ERG28: variants seen among roughly 807,000 people sequenced by gnomAD.
ERG28 encodes ergosterol biosynthesis 28 homolog, also known as ergosterol biosynthetic protein 28 homolog.
In ERG28, 9 loss-of-function variants were observed where a neutral mutation model predicts 15.7. The ratio of observed to expected loss-of-function variants is 0.57; its 90% CI spans 0.35 to 1.00. The LOEUF (loss-of-function observed/expected upper bound fraction) is 1.00, where lower values mean the gene tolerates loss of function less well. Ranked by LOEUF, ERG28 falls within the 50% of genes least tolerant of loss-of-function variation. The probability of loss-of-function intolerance (pLI) is 0.02; values close to 1 mark genes in which losing one functional copy is unlikely to be tolerated. For missense variants in ERG28, 117 were observed against 173.3 expected (o/e 0.68, Z 1.82); for synonymous variants, 61 against 68.4 (o/e 0.89, Z 0.53).
rs1326719057 is a variant in ERG28 at position 75,654,581 on chromosome 14, ACTT to A, written c.224+302_224+304del. 4.6e-5 allele frequency among the ~76,000 whole-genome samples: 7 copies of A among 152,252 alleles called. No individual in the cohort carries two copies. In the East Asian group the frequency reaches 1.2e-3, roughly 25 times the overall value. ...TACTCTAAAAAGAGCATACCACTCTACTTCTTTAGTAGAAGAAGGGCTGATTCT... is the reference window on the plus strand; with the variant it reads ...TACTCTAAAAAGAGCATACCACTCTACTTTAGTAGAAGAAGGGCTGATTCT... On this transcript the variant is annotated intron_variant, in intron 3 of 4. Coordinates refer to ENST00000256319, the MANE Select transcript of ERG28 (RefSeq NM_007176.4).
In ERG28 at chr14:75,650,145, T is replaced by A. The variant is rs1218608906; in HGVS notation, c.*1410A>T. On this transcript the variant is annotated 3_prime_UTR_variant, in exon 5 of 5. Transcript: ENST00000256319. Reference sequence around the variant, plus strand: ...GCCTGGGTGACAGAGTGAAACCCTGTCTCTAAAAAACAAAAAAATCCCATC... The same window carrying A: ...GCCTGGGTGACAGAGTGAAACCCTGACTCTAAAAAACAAAAAAATCCCATC... 3 of 152,202 alleles carry A rather than the reference T, an allele frequency of 2.0e-5. No individual in the cohort carries two copies. Among genetic ancestry groups the A allele is most frequent in the Non-Finnish European group, 4.4e-5 (3 of 68,072 alleles). The allele number at this position is 152,202 out of a possible 1,614,324, so 9.4% of individuals were successfully genotyped here. A position where few individuals can be genotyped will look rare whatever the true frequency, so the allele number is the denominator to read the frequency against.
rs777170029 is a variant in ERG28 at position 75,651,931 on chromosome 14, T to C, written c.225-42A>G. On this transcript the variant is annotated intron_variant, in intron 3 of 4. Coordinates refer to ENST00000256319, the MANE Select transcript of ERG28 (RefSeq NM_007176.4). ...AGAAATGGGAACCAAAGTTACTGTT[T>C]GTTCAGAACAGAGGAAAAGTATCAG... 3.0e-5 allele frequency: 45 copies of C among 1,513,190 alleles called. No homozygotes were observed. The South Asian group carries it at 4.4e-4, about 15-fold the overall frequency. The allele number at this position is 1,513,190 out of a possible 1,614,324, so 93.7% of individuals were successfully genotyped here.
rs199655399 is a variant in ERG28 at position 75,657,475 on chromosome 14, T to G, written c.28A>C (p.Ser10Arg). The G allele has an allele frequency of 7.4e-6, 12 of 1,614,090 alleles. No individual in the cohort carries two copies. Among genetic ancestry groups the G allele is most frequent in the Non-Finnish European group, 7.6e-6 (9 of 1,179,974 alleles). The change falls in exon 2 of 5, where the codon AGT becomes CGT. Residue 10 changes from serine (S) to arginine (R), a missense_variant. By Grantham distance (110) the Ser-to-Arg change is moderately radical. Transcript: ENST00000256319. MSRFLNVLR[S>R]WLVMVSIIAM... ...ATGATGGACACCATAACCAGCCAAC[T>G]TCTTAACACATTCAGGAAACGGCTC...
chr14:75,652,107 G>T (rs1439377628), intron 3 of ERG28, among the ~76,000 whole-genome samples: 1 of 152,260 alleles, frequency 6.6e-6, no homozygotes, highest in Non-Finnish European at 1.5e-5. Flanking sequence ...GAGGAGAATG[G>T]TTCAGGCATC....
In ERG28 at chr14:75,654,987, G is replaced by C; in HGVS notation, c.134-11C>G. On this transcript the variant is annotated splice_polypyrimidine_tract_variant and intron_variant, in intron 2 of 4. Coordinates refer to ENST00000256319, the MANE Select transcript of ERG28 (RefSeq NM_007176.4). ...CTTGGAGGCCATTCACTGTGTAGCAGAAAAAAGCAAGAGTGTTCAGAAGGG... is the reference window on the plus strand; with the variant it reads ...CTTGGAGGCCATTCACTGTGTAGCACAAAAAAGCAAGAGTGTTCAGAAGGG... The C allele has an allele frequency of 1.9e-6, 3 of 1,609,908 alleles. 1 individual carries two copies. In the South Asian group the frequency reaches 3.3e-5, roughly 18 times the overall value.
rs1190771554 is a variant in ERG28, at chr14:75,651,364, T to C, written c.*191A>G. ...CGTAGTATTCACTTTAAAATTATTC[T>C]TTAAATTGTACGTACATGTTATATA... On this transcript the variant is annotated 3_prime_UTR_variant, in exon 5 of 5. Transcript: ENST00000256319. 1 of 489,674 alleles carries C rather than the reference T, an allele frequency of 2.0e-6. No homozygotes were observed. The highest frequency in any genetic ancestry group is 3.6e-6 in the Non-Finnish European group (1 of 280,966). 30.3% of individuals were successfully genotyped at this position (489,674 alleles called of 1,614,324 possible).
intron 3 of ERG28, among the ~76,000 whole-genome samples, chr14:75,652,804 C>T (rs1844340847): frequency 2.7e-5 from 4 of 147,258 alleles, no homozygotes; most frequent in African/African-American, 7.6e-5. Context: ...CTCTCCTGTG[C>T]ATATTTTTAC....
Position 75,650,794 on chromosome 14 carries a change from CTA to C in ERG28, c.*759_*760del, listed in dbSNP as rs1396614227. 6.6e-6 allele frequency: 1 copy of C among 152,544 alleles called. No homozygotes were observed. Among genetic ancestry groups the C allele is most frequent in the Admixed American group, 6.5e-5 (1 of 15,302 alleles). 9.4% of individuals were successfully genotyped at this position (152,544 alleles called of 1,614,324 possible). Reference sequence around the variant, plus strand: ...CCTGTGTCATGAGCTGTCCTACTCACTATGGTGTATTCAATCAGGCATAAAGC... The same window carrying C: ...CCTGTGTCATGAGCTGTCCTACTCACTGGTGTATTCAATCAGGCATAAAGC... On this transcript the variant is annotated 3_prime_UTR_variant, in exon 5 of 5. Coordinates refer to ENST00000256319, the MANE Select transcript of ERG28 (RefSeq NM_007176.4).
chr14:75,660,236 C>T (rs756776652), intron 1 of ERG28, among the ~76,000 whole-genome samples: 4 of 152,186 alleles, frequency 2.6e-5, no homozygotes, highest in Non-Finnish European at 4.4e-5. Flanking sequence ...GCCAATTTCT[C>T]AACCTAATTT....
chr14:75,658,678 CAT>C (rs1566803234), intron 1 of ERG28, among the ~76,000 whole-genome samples: 2 of 152,346 alleles, frequency 1.3e-5, no homozygotes, highest in African/African-American at 2.4e-5. Flanking sequence ...TATGTGGTTA[CAT>C]ATGTTTGTTC....
intron 1 of ERG28, among the ~76,000 whole-genome samples, chr14:75,657,864 T>C (rs1264167963): frequency 2.0e-5 from 3 of 152,236 alleles, no homozygotes; most frequent in South Asian, 2.1e-4. Flanking sequence ...TGCCTGGCTA[T>C]TGATGACGGA....
chr14:75,659,338 T>C (rs559342838), intron 1 of ERG28, among the ~76,000 whole-genome samples: 3 of 152,294 alleles, frequency 2.0e-5, no homozygotes, highest in Non-Finnish European at 2.9e-5. Context: ...TTACATACTT[T>C]TTGTTTTTTA....
chr14:75,654,786 C>T (rs1890575920), intron 3 of ERG28, 100 bp downstream of exon 3: 1 of 1,216,660 alleles, frequency 8.2e-7, no homozygotes, highest in Non-Finnish European at 1.2e-6. Flanking sequence ...TAAGCTAATG[C>T]ATTAAAATGA....
At position 75,651,606 on chromosome 14, in the gene ERG28, C is replaced by T. The variant is rs1424372039; in HGVS notation, c.372G>A (p.Gly124=). Residue 124 remains glycine, a synonymous_variant, in exon 5 of 5, where the codon GGG becomes GGA. Transcript: ENST00000256319. ...ASFSILGMLV[G]LRYLEVEPVS... The stretch of plus-strand genomic sequence containing the variant: ...CTGGTTCTACTTCTAGATACCGGAG[C>T]CCGACCAGCATACCCAGGATGGAGA... 1 of 1,613,634 alleles carries T rather than the reference C, an allele frequency of 6.2e-7. No individual in the cohort carries two copies. The highest frequency in any genetic ancestry group is 8.5e-7 in the Non-Finnish European group (1 of 1,179,586).
chr14:75,660,786 GC>G lies in ERG28; in HGVS notation c.-44del. 6.5e-6 allele frequency: 1 copy of G among 152,760 alleles called. No homozygotes were observed. Among genetic ancestry groups the G allele is most frequent in the Non-Finnish European group, 1.5e-5 (1 of 68,644 alleles). The allele number at this position is 152,760 out of a possible 1,614,324, so 9.5% of individuals were successfully genotyped here. The stretch of plus-strand genomic sequence containing the variant: ...CATATTCTCCTTACCTGGCGACCGG[GC>G]CCCCAGCACAGCAGTGGCAGCAGCA... On this transcript the variant is annotated 5_prime_UTR_variant, in exon 1 of 5. An upstream open reading frame in the 5' UTR loses its in-frame stop. Transcript: ENST00000256319.
intron 3 of ERG28, 134 bp downstream of exon 3, chr14:75,654,752 G>C: frequency 1.0e-6 from 1 of 984,102 alleles, no homozygotes; most frequent in Non-Finnish European, 1.6e-6. Flanking sequence ...AATGTAACCT[G>C]TGAGTTTTTT....
At chr14:75,652,293 G>A (rs1890535988) in intron 3 of ERG28, among the ~76,000 whole-genome samples, 1 of 152,230 alleles carries the variant, frequency 6.6e-6, no homozygotes, top group South Asian at 2.1e-4. Flanking sequence ...ATCTGGCCAT[G>A]CACTTGTCGG....
intron 1 of ERG28, among the ~76,000 whole-genome samples, chr14:75,659,561 GC>G (rs1360107313): frequency 6.9e-5 from 5 of 72,428 alleles, no homozygotes; most frequent in African/African-American, 2.3e-4. Flanking sequence ...ACAGCACCCA[GC>G]CTTTTTTTTT....
intron 3 of ERG28, among the ~76,000 whole-genome samples, chr14:75,652,823 T>C (rs1239616702): frequency 7.1e-6 from 1 of 141,610 alleles, no homozygotes; most frequent in African/African-American, 2.7e-5. Context: ...ACACCTTTTT[T>C]TTTTTTTTTT....
Sources: allele counts gnomAD v4.1 joint callset (sites outside exome capture counted in the v4.1 genomes callset), GRCh38; gene constraint gnomAD v4.1.1; transcripts MANE v1.5; gene names NCBI Gene and HGNC (gene_info 2026-07-23, HGNC 2026-07-21).